The following LARP4 variants were observed in gnomAD, a reference collection of about 807,000 sequenced individuals.
LARP4 encodes the protein La ribonucleoprotein 4.
LARP4 carries 29 observed loss-of-function variants against 92.9 expected under a neutral mutation model. That is an observed-to-expected ratio of 0.31 (90% CI 0.23 to 0.43). LARP4 has a LOEUF of 0.43. Among genes scored for constraint, LARP4 ranks in the 20% least tolerant of loss-of-function variants. LARP4 has a pLI of 1.00. For synonymous variants in LARP4, 279 were observed against 284.1 expected, an observed-to-expected ratio of 0.98 and a Z score of 0.18; for missense variants, 732 against 860.0, an observed-to-expected ratio of 0.85 and a Z score of 1.86.
At chr12:50,423,168 C>G (rs1592916660) in intron 1 of LARP4, among the ~76,000 whole-genome samples, 2 of 152,072 alleles carry the variant, frequency 1.3e-5, no homozygotes, top group South Asian at 2.1e-4. Flanking sequence ...ATAAATAGTA[C>G]TTTATTTTCC....
At chr12:50,443,736 G>A (rs544836594) in intron 8 of LARP4, among the ~76,000 whole-genome samples, 3 of 152,094 alleles carry the variant, frequency 2.0e-5, no homozygotes, top group African/African-American at 2.4e-5. Flanking sequence ...CTCAGCCTCC[G>A]GCGTAGCTGG....
rs1357373239 is a variant in LARP4, at chr12:50,427,995, T to TC, written c.166+86_166+87insC. 7.3e-6 allele frequency: 4 copies of TC among 548,008 alleles called. No homozygotes were observed. The African/African-American group carries it at 8.3e-5, about 11-fold the overall frequency. The allele number at this position is 548,008 out of a possible 1,614,324, so 33.9% of individuals were successfully genotyped here. A position where few individuals can be genotyped will look rare whatever the true frequency, so the allele number is the denominator to read the frequency against. On this transcript the variant is annotated intron_variant, in intron 2 of 15. Coordinates refer to ENST00000398473, the MANE Select transcript of LARP4 (RefSeq NM_052879.5). Reference sequence around the variant, plus strand: ...TTTACTGAACTTGAGACACATCTCTTTTTTTTTTTTTTTTTTTTGAGACAG... The same window carrying TC: ...TTTACTGAACTTGAGACACATCTCTTCTTTTTTTTTTTTTTTTTTGAGACAG...
intron 14 of LARP4, among the ~76,000 whole-genome samples, 190 bp from the exon 15 acceptor site, chr12:50,473,809 G>A (rs1957215943): frequency 7.4e-6 from 1 of 134,974 alleles, no homozygotes; most frequent in Non-Finnish European, 1.6e-5. Flanking sequence ...GGGTGGGTGG[G>A]GGGGTGGGGG....
At chr12:50,454,442 T>C in intron 10 of LARP4, 25 bp downstream of exon 10, 2 of 1,538,172 alleles carry the variant, frequency 1.3e-6, no homozygotes, top group Non-Finnish European at 1.8e-6. Flanking sequence ...ATAGCTGTAA[T>C]GTATTTTAAA....
At chr12:50,440,632 T>C in intron 7 of LARP4, 83 bp downstream of exon 7, 1 of 923,092 alleles carries the variant, frequency 1.1e-6, no homozygotes. Context: ...AAATGTGTGT[T>C]TACACTGATG....
At position 50,457,316 on chromosome 12, in the gene LARP4, C is replaced by T. The variant is rs1033851773; in HGVS notation, c.1121+2899C>T. Among the ~76,000 whole-genome samples, 7 of 151,158 alleles carry T rather than the reference C, an allele frequency of 4.6e-5. No homozygotes were observed. In the Admixed American group the frequency reaches 4.6e-4, roughly 10 times the overall value. On this transcript the variant is annotated intron_variant, in intron 10 of 15. Coordinates refer to ENST00000398473, the MANE Select transcript of LARP4 (RefSeq NM_052879.5). ...CCGTCTCCCGGGTTCAAGCGATACT[C>T]CTGCCTTAGCCTTCCAATTAGCTGA...
chr12:50,445,170 T>C (rs1266082329), intron 8 of LARP4, among the ~76,000 whole-genome samples: 1 of 152,200 alleles, frequency 6.6e-6, no homozygotes, highest in Non-Finnish European at 1.5e-5. Flanking sequence ...TCCCAAAGTG[T>C]TGGGACTATA....
chr12:50,461,692 C>T (rs1955410201), intron 11 of LARP4, among the ~76,000 whole-genome samples: 1 of 152,150 alleles, frequency 6.6e-6, no homozygotes, highest in Admixed American at 6.6e-5. Flanking sequence ...TGCGGTGGCT[C>T]ACACCTGTAA....
At chr12:50,425,146 C>G (rs533901091) in intron 1 of LARP4, among the ~76,000 whole-genome samples, 36 of 151,084 alleles carry the variant, frequency 2.4e-4, no homozygotes, top group Non-Finnish European at 5.0e-4. Context: ...GACTCCGTCT[C>G]AAAAAGGAAG....
chr12:50,466,395 C>T (rs1249038483), intron 12 of LARP4, among the ~76,000 whole-genome samples: 1 of 152,080 alleles, frequency 6.6e-6, no homozygotes, highest in Non-Finnish European at 1.5e-5. Flanking sequence ...GAGAGGATCA[C>T]TTAAGCTCAA....
chr12:50,411,390 C>T (rs1299318454), intron 1 of LARP4, among the ~76,000 whole-genome samples: 1 of 151,918 alleles, frequency 6.6e-6, no homozygotes, highest in Non-Finnish European at 1.5e-5. Flanking sequence ...TGCTCTGTTG[C>T]CTAGGCTGGA....
intron 10 of LARP4, among the ~76,000 whole-genome samples, chr12:50,457,434 T>A (rs1262682012): frequency 6.6e-6 from 1 of 152,130 alleles, no homozygotes; most frequent in Non-Finnish European, 1.5e-5. Flanking sequence ...CTCGAACTCC[T>A]GACCTCAGGT....
At chr12:50,446,744 A>T (rs1188652093) in intron 8 of LARP4, among the ~76,000 whole-genome samples, 2 of 151,938 alleles carry the variant, frequency 1.3e-5, no homozygotes, top group Non-Finnish European at 2.9e-5. Flanking sequence ...CTGTATTTTT[A>T]AAATAATGCT....
At chr12:50,402,494 G>A (rs1944051875) in intron 1 of LARP4, among the ~76,000 whole-genome samples, 1 of 152,136 alleles carries the variant, frequency 6.6e-6, no homozygotes, top group African/African-American at 2.4e-5. Context: ...TTTTAAGTGT[G>A]TGTTTTGCTG....
At chr12:50,450,805 T>C (rs1354415393) in intron 8 of LARP4, among the ~76,000 whole-genome samples, 1 of 152,206 alleles carries the variant, frequency 6.6e-6, no homozygotes, top group African/African-American at 2.4e-5. Context: ...CTGGCTGCCT[T>C]GTCTCCTGTT....
chr12:50,428,399 C>T (rs1244578204), intron 2 of LARP4, among the ~76,000 whole-genome samples: 1 of 152,114 alleles, frequency 6.6e-6, no homozygotes, highest in Non-Finnish European at 1.5e-5. Flanking sequence ...CTGCATCCAG[C>T]ATTTATAAAT....
chr12:50,450,698 C>A (rs566263179), intron 8 of LARP4, among the ~76,000 whole-genome samples: 65 of 152,230 alleles, frequency 4.3e-4, no homozygotes, highest in African/African-American at 1.5e-3. Flanking sequence ...GATGGGATTT[C>A]ACTATGTTGG....
rs780184169 is a variant in LARP4 at position 50,428,915 on chromosome 12, A to C, written c.167-20A>C. ...ATTTAAATAATTCCCATTTACTTTCAGTGTCTGTCTTTAATACAGGTAATG... is the reference window on the plus strand; with the variant it reads ...ATTTAAATAATTCCCATTTACTTTCCGTGTCTGTCTTTAATACAGGTAATG... On this transcript the variant is annotated intron_variant, in intron 2 of 15. Transcript: ENST00000398473. 5.2e-6 allele frequency: 8 copies of C among 1,530,140 alleles called. No homozygotes were observed. Among genetic ancestry groups the C allele is most frequent in the Non-Finnish European group, 7.0e-6 (8 of 1,135,622 alleles). The allele number at this position is 1,530,140 out of a possible 1,614,324, so 94.8% of individuals were successfully genotyped here.
intron 9 of LARP4, among the ~76,000 whole-genome samples, chr12:50,453,879 C>T (rs956590428): frequency 1.1e-4 from 16 of 151,992 alleles, no homozygotes; most frequent in Admixed American, 2.6e-4. Flanking sequence ...GCAGTCCACC[C>T]GCCTCAGCCT....
Sources: allele counts gnomAD v4.1 joint callset (sites outside exome capture counted in the v4.1 genomes callset), GRCh38; gene constraint gnomAD v4.1.1; transcripts MANE v1.5; gene names NCBI Gene and HGNC (gene_info 2026-07-23, HGNC 2026-07-21).